Variants in KCTD16 observed in about 807,000 individuals in gnomAD.
KCTD16 encodes potassium channel tetramerization domain containing 16.
Under a neutral mutation model 33.2 loss-of-function variants are expected in KCTD16, and 13 were observed. The observed-to-expected ratio is 0.39, with a 90% CI of 0.25 to 0.62. KCTD16 has a LOEUF of 0.62. Among genes scored for constraint, KCTD16 ranks in the 20% least tolerant of loss-of-function variants. The pLI, the probability that KCTD16 is intolerant of heterozygous loss-of-function variation, is 0.50. For synonymous variants in KCTD16, 197 were observed against 195.3 expected (o/e 1.01, Z -0.07); for missense variants, 441 against 525.1 (o/e 0.84, Z 1.57).
chr5:144,387,041 A>G (rs1444192030), intron 3 of KCTD16, among the ~76,000 whole-genome samples: 2 of 151,816 alleles, frequency 1.3e-5, no homozygotes, highest in Non-Finnish European at 2.9e-5. Context: ...TTCATGGCTC[A>G]CTGCAGCCTC....
rs139363182 is a variant in KCTD16 at position 144,288,890 on chromosome 5, C to T, written c.832+81344C>T. 3.9e-5 allele frequency among the ~76,000 whole-genome samples: 6 copies of T among 152,260 alleles called. No individual in the cohort carries two copies. The East Asian group carries it at 7.7e-4, about 20-fold the overall frequency. On this transcript the variant is annotated intron_variant, in intron 3 of 3. Transcript: ENST00000512467. ...GCCTGTAATCCCATCATGGCACATG[C>T]CTGTAATCCCAGACACTTGGGAGGC... is the stretch of plus-strand genomic sequence containing the variant.
At chr5:144,262,685 T>C (rs1384213576) in intron 3 of KCTD16, among the ~76,000 whole-genome samples, 1 of 152,222 alleles carries the variant, frequency 6.6e-6, no homozygotes, top group African/African-American at 2.4e-5. Flanking sequence ...TTCCTACTTC[T>C]TTGGAGCTGA....
Position 144,415,941 on chromosome 5 carries a change from A to G in KCTD16, c.833-57719A>G, listed in dbSNP as rs1441357159. 1.3e-5 allele frequency among the ~76,000 whole-genome samples: 2 copies of G among 152,206 alleles called. 1 individual carries two copies. Among genetic ancestry groups the G allele is most frequent in the Non-Finnish European group, 2.9e-5 (2 of 68,040 alleles). ...CAAAATGATTGGGTGCTGAGGGAAA[A>G]GAAATTGAATTTTCTTTTAGAAAGT... On this transcript the variant is annotated intron_variant, in intron 3 of 3. Transcript: ENST00000512467.
chr5:144,216,706 T>C (rs190447889), intron 3 of KCTD16, among the ~76,000 whole-genome samples: 1 of 151,892 alleles, frequency 6.6e-6, no homozygotes, highest in Non-Finnish European at 1.5e-5. Context: ...TAGCCGAGTA[T>C]GGTGACGGGC....
intron 3 of KCTD16, among the ~76,000 whole-genome samples, chr5:144,218,855 A>C (rs1393239934): frequency 6.6e-6 from 1 of 152,246 alleles, no homozygotes; most frequent in Non-Finnish European, 1.5e-5. Flanking sequence ...AATTAATAAT[A>C]CCACATTTTA....
At chr5:144,371,041 T>C (rs750246099) in intron 3 of KCTD16, among the ~76,000 whole-genome samples, 1 of 152,082 alleles carries the variant, frequency 6.6e-6, no homozygotes. Context: ...GAGATAATTC[T>C]GTTGGAGTTA....
chr5:144,255,445 AC>A (rs1406071206), intron 3 of KCTD16, among the ~76,000 whole-genome samples: 1 of 152,156 alleles, frequency 6.6e-6, no homozygotes, highest in Non-Finnish European at 1.5e-5. Context: ...TTGCAATCCT[AC>A]CAACAGTGTG....
At position 144,299,143 on chromosome 5, in the gene KCTD16, TATA is replaced by T. The variant is rs1370996667; in HGVS notation, c.832+91598_832+91600del. 1.2e-3 allele frequency among the ~76,000 whole-genome samples: 28 copies of T among 23,024 alleles called. 2 individuals carry two copies. The highest frequency in any genetic ancestry group is 1.7e-3 in the Non-Finnish European group (25 of 15,110). The allele number at this position is 23,024 out of a possible 152,430, so 15.1% of individuals were successfully genotyped here. A position where few individuals can be genotyped will look rare whatever the true frequency, so the allele number is the denominator to read the frequency against. On this transcript the variant is annotated intron_variant, in intron 3 of 3. Transcript: ENST00000512467. Reference sequence around the variant, plus strand: ...ATATATATATATATATATATATATATATATATTTTTTTTTTTTTTTTTAACCTG... The same window carrying T: ...ATATATATATATATATATATATATATTATTTTTTTTTTTTTTTTTAACCTG...
intron 3 of KCTD16, among the ~76,000 whole-genome samples, chr5:144,209,239 A>G (rs1426990748): frequency 6.6e-6 from 1 of 152,262 alleles, no homozygotes; most frequent in Non-Finnish European, 1.5e-5. Context: ...ACTTGCTTAC[A>G]TAAATGAGAC....
At chr5:144,188,988 G>A (rs1198345044) in intron 2 of KCTD16, among the ~76,000 whole-genome samples, 2 of 152,178 alleles carry the variant, frequency 1.3e-5, no homozygotes, top group African/African-American at 4.8e-5. Context: ...CATGTGTAGG[G>A]TGTCTAAGTA....
intron 3 of KCTD16, among the ~76,000 whole-genome samples, chr5:144,359,114 G>A (rs999856124): frequency 2.0e-5 from 3 of 152,140 alleles, no homozygotes; most frequent in Admixed American, 1.3e-4. Flanking sequence ...GACTGACGAC[G>A]CAGTCATACC....
chr5:144,392,933 G>A (rs1022966056), intron 3 of KCTD16, among the ~76,000 whole-genome samples: 3 of 152,126 alleles, frequency 2.0e-5, no homozygotes, highest in Admixed American at 1.3e-4. Flanking sequence ...CCTTTGTTGT[G>A]TGCTGACCAC....
At chr5:144,327,994 T>C (rs772251743) in intron 3 of KCTD16, among the ~76,000 whole-genome samples, 14 of 152,092 alleles carry the variant, frequency 9.2e-5, no homozygotes, top group African/African-American at 3.4e-4. Flanking sequence ...TATTGGTAGA[T>C]TAACTCTACA....
chr5:144,190,366 T>C (rs1057240977), intron 2 of KCTD16, among the ~76,000 whole-genome samples: 22 of 152,234 alleles, frequency 1.4e-4, no homozygotes, highest in African/African-American at 5.3e-4. Context: ...ACTTGACTTA[T>C]CTGAACCTTG....
rs748268729 is a variant in KCTD16 at position 144,409,848 on chromosome 5, G to T, written c.833-63812G>T. Among the ~76,000 whole-genome samples, 30 of 151,094 alleles carry T rather than the reference G, an allele frequency of 2.0e-4. 1 individual carries two copies. The highest frequency in any genetic ancestry group is 3.2e-3 in the Middle Eastern group (1 of 316). On this transcript the variant is annotated intron_variant, in intron 3 of 3. Coordinates refer to ENST00000512467, the MANE Select transcript of KCTD16 (RefSeq NM_020768.4). ...AACAACAACAACAACAACAACAAAAGAAATGAAAACAGGCAATTGAAATAT... is the reference window on the plus strand; with the variant it reads ...AACAACAACAACAACAACAACAAAATAAATGAAAACAGGCAATTGAAATAT...
At chr5:144,256,673 G>C (rs1240275828) in intron 3 of KCTD16, among the ~76,000 whole-genome samples, 3 of 151,662 alleles carry the variant, frequency 2.0e-5, no homozygotes, top group Non-Finnish European at 1.5e-5. Context: ...TAGCCCGAGA[G>C]GGGTGCCATC....
At chr5:144,262,504 T>G (rs937153940) in intron 3 of KCTD16, among the ~76,000 whole-genome samples, 2 of 152,240 alleles carry the variant, frequency 1.3e-5, no homozygotes, top group Non-Finnish European at 2.9e-5. Flanking sequence ...CAAACATTTT[T>G]TATCTTTATC....
rs774084184 is a variant in KCTD16 at position 144,473,740 on chromosome 5, A to G, written c.913A>G (p.Thr305Ala). The G allele has an allele frequency of 6.8e-6, 11 of 1,613,426 alleles. No individual in the cohort carries two copies. Residue 305 changes from threonine to alanine, a missense_variant, in exon 4 of 4, where the codon ACG becomes GCG. By Grantham distance (58) the Thr-to-Ala change is moderately conservative. Coordinates refer to ENST00000512467, the MANE Select transcript of KCTD16 (RefSeq NM_020768.4). ...AGGTGACAAAGAAGGGGAGAGCGGCACGTCTTGCAATGACCTCTCCACATC... is the reference window on the plus strand; with the variant it reads ...AGGTGACAAAGAAGGGGAGAGCGGCGCGTCTTGCAATGACCTCTCCACATC... ...GKGDKEGESG[T>A]SCNDLSTSSC...
chr5:144,387,458 G>A (rs964742294), intron 3 of KCTD16, among the ~76,000 whole-genome samples: 62 of 152,288 alleles, frequency 4.1e-4, no homozygotes, highest in African/African-American at 1.4e-3. Flanking sequence ...CTAAGCCTGA[G>A]TTCCTTCCTC....
Sources: gnomAD v4.1 joint callset for allele counts (sites outside exome capture counted in the v4.1 genomes callset) on GRCh38, gnomAD v4.1.1 for gene constraint, MANE v1.5 for transcripts, NCBI Gene and HGNC (gene_info 2026-07-23, HGNC 2026-07-21) for gene names.